SEMA3A: variants seen among roughly 807,000 people sequenced by gnomAD.
SEMA3A encodes the protein semaphorin 3A.
Under a neutral mutation model 97.9 loss-of-function variants are expected in SEMA3A, and 29 were observed. That is an observed-to-expected ratio of 0.30 (90% CI 0.22 to 0.40). The LOEUF is 0.40. SEMA3A is among the 10% of genes least tolerant of loss of function. The probability of loss-of-function intolerance (pLI) is 1.00; values close to 1 mark genes in which losing one functional copy is unlikely to be tolerated. For missense variants in SEMA3A, 763 were observed against 951.3 expected, an observed-to-expected ratio of 0.80 and a Z score of 2.60; for synonymous variants, 321 against 323.7, an observed-to-expected ratio of 0.99 and a Z score of 0.09.
chr7:83,974,070 G>T (rs1299734642), intron 15 of SEMA3A, among the ~76,000 whole-genome samples: 1 of 152,084 alleles, frequency 6.6e-6, no homozygotes, highest in Non-Finnish European at 1.5e-5. Flanking sequence ...TTACGGAAGG[G>T]AACAGATTGG....
At chr7:84,211,419 T>C (rs537660429) in intron 3 of SEMA3A, among the ~76,000 whole-genome samples, 100 of 150,472 alleles carry the variant, frequency 6.6e-4, no homozygotes, top group African/African-American at 2.4e-3. Context: ...GAGACCAGCC[T>C]GGCCAACATG....
At chr7:84,105,953 T>A (rs192427326) in intron 4 of SEMA3A, among the ~76,000 whole-genome samples, 1 of 152,292 alleles carries the variant, frequency 6.6e-6, no homozygotes. Flanking sequence ...CAGTGTCAAG[T>A]GTTATTGGAA....
intron 3 of SEMA3A, among the ~76,000 whole-genome samples, chr7:84,203,885 GGA>G (rs1798421614): frequency 6.6e-6 from 1 of 151,892 alleles, no homozygotes; most frequent in Non-Finnish European, 1.5e-5. Context: ...AGCATGTATT[GGA>G]GTGTAGGCCA....
intron 1 of SEMA3A, among the ~76,000 whole-genome samples, chr7:84,397,334 T>C (rs577119187): frequency 1.3e-5 from 2 of 150,758 alleles, no homozygotes; most frequent in South Asian, 2.1e-4. Flanking sequence ...TGGTGGATAA[T>C]TGTGAACATT....
intron 1 of SEMA3A, among the ~76,000 whole-genome samples, chr7:84,405,629 G>C (rs1804058788): frequency 6.6e-6 from 1 of 152,118 alleles, no homozygotes; most frequent in African/African-American, 2.4e-5. Flanking sequence ...TTCCAAAAAT[G>C]ACCACATAGT....
intron 4 of SEMA3A, among the ~76,000 whole-genome samples, chr7:84,086,124 T>C (rs1327483882): frequency 1.3e-5 from 2 of 152,050 alleles, no homozygotes; most frequent in African/African-American, 4.8e-5. Context: ...CCAGAGCATA[T>C]ATGTCAAAGG....
At chr7:84,307,687 C>G (rs111883655) in intron 2 of SEMA3A, among the ~76,000 whole-genome samples, 116 of 152,252 alleles carry the variant, frequency 7.6e-4, no homozygotes, top group African/African-American at 2.6e-3. Flanking sequence ...ATGAAAGGCT[C>G]ACACTGACAA....
intron 3 of SEMA3A, among the ~76,000 whole-genome samples, chr7:84,211,437 C>A (rs7784725): frequency 0.065 from 9,863 of 151,266 alleles, 404 homozygotes; most frequent in African/African-American, 0.1. Context: ...ATGGTGAAAC[C>A]CTGTCTCTAC....
intron 1 of SEMA3A, among the ~76,000 whole-genome samples, chr7:84,453,910 C>A (rs1422365007): frequency 3.3e-5 from 5 of 152,066 alleles, no homozygotes; most frequent in Non-Finnish European, 7.4e-5. Context: ...AATACCTAAA[C>A]TTATTGATAC....
At chr7:83,964,290 T>C (rs956236017) in intron 15 of SEMA3A, among the ~76,000 whole-genome samples, 2 of 152,198 alleles carry the variant, frequency 1.3e-5, no homozygotes, top group South Asian at 4.1e-4. Context: ...ACTCATTAAA[T>C]TAATTTAGAA....
At chr7:84,282,007 G>A (rs1800450080) in intron 3 of SEMA3A, among the ~76,000 whole-genome samples, 1 of 152,056 alleles carries the variant, frequency 6.6e-6, no homozygotes. Flanking sequence ...CACTGAAATG[G>A]AATTTCTTGA....
At chr7:84,100,908 T>A (rs942580179) in intron 4 of SEMA3A, among the ~76,000 whole-genome samples, 1 of 152,182 alleles carries the variant, frequency 6.6e-6, no homozygotes, top group Non-Finnish European at 1.5e-5. Flanking sequence ...GAAGGTTTGC[T>A]CATGACGCTT....
intron 2 of SEMA3A, among the ~76,000 whole-genome samples, chr7:84,358,878 T>A (rs943685181): frequency 6.6e-6 from 1 of 152,174 alleles, no homozygotes; most frequent in African/African-American, 2.4e-5. Flanking sequence ...TATTCCTAGG[T>A]ATTGTATTCT....
intron 1 of SEMA3A, among the ~76,000 whole-genome samples, chr7:84,135,256 A>G (rs1249188104): frequency 6.6e-6 from 1 of 151,636 alleles, no homozygotes; most frequent in East Asian, 1.9e-4. Context: ...GATTACAGAC[A>G]TGCACCACTA....
intron 4 of SEMA3A, among the ~76,000 whole-genome samples, chr7:84,097,052 C>T (rs1226682108): frequency 6.6e-6 from 1 of 152,010 alleles, no homozygotes; most frequent in Non-Finnish European, 1.5e-5. Flanking sequence ...TTACAATTGT[C>T]CCCAAGATTG....
intron 1 of SEMA3A, among the ~76,000 whole-genome samples, chr7:84,443,880 C>CTTTTTTTTTTT (rs71078831): frequency 2.2e-5 from 2 of 92,400 alleles, no homozygotes; most frequent in Non-Finnish European, 4.2e-5. Flanking sequence ...GTGCTTTGTC[C>CTTTTTTTTTTT]TTTTTTTTTT....
intron 4 of SEMA3A, among the ~76,000 whole-genome samples, chr7:84,089,566 T>C (rs1794498450): frequency 6.6e-6 from 1 of 152,092 alleles, no homozygotes; most frequent in South Asian, 2.1e-4. Context: ...ACATCTAAAT[T>C]ACATAAACTT....
chr7:84,083,666 A>G (rs1794237107), intron 4 of SEMA3A, among the ~76,000 whole-genome samples: 1 of 152,062 alleles, frequency 6.6e-6, no homozygotes. Context: ...AATTTGCTAT[A>G]TAATTGTATA....
At chr7:84,046,220 C>A in intron 6 of SEMA3A, 104 bp downstream of exon 6, 1 of 1,347,634 alleles carries the variant, frequency 7.4e-7, no homozygotes, top group Non-Finnish European at 1.0e-6. Flanking sequence ...AGCTTAACTG[C>A]ACAATAAATT....
Sources: allele counts gnomAD v4.1 joint callset (sites outside exome capture counted in the v4.1 genomes callset), GRCh38; gene constraint gnomAD v4.1.1; transcripts MANE v1.5; gene names NCBI Gene and HGNC (gene_info 2026-07-23, HGNC 2026-07-21).